Variants in CREB5 observed in about 807,000 individuals in gnomAD.
The protein encoded by CREB5 is cAMP responsive element binding protein 5.
In CREB5, 19 loss-of-function variants were observed where a neutral mutation model predicts 57.1. The ratio of observed to expected loss-of-function variants is 0.33; its 90% confidence interval spans 0.23 to 0.49. CREB5 has a LOEUF of 0.49. CREB5 is among the 20% of genes least tolerant of loss of function. The probability of loss-of-function intolerance (pLI) is 0.99; values close to 1 mark genes in which losing one functional copy is unlikely to be tolerated. For missense variants in CREB5, 579 were observed against 671.6 expected (o/e 0.86, Z 1.52); for synonymous variants, 238 against 238.3 (o/e 1.00, Z 0.01).
intron 5 of CREB5, among the ~76,000 whole-genome samples, chr7:28,610,976 G>T (rs535253955): frequency 6.6e-6 from 1 of 151,986 alleles, no homozygotes; most frequent in African/African-American, 2.4e-5. Flanking sequence ...AGGTAGGGGG[G>T]TGTGTGTGTG....
chr7:28,719,377 C>T (rs575022091), intron 6 of CREB5, among the ~76,000 whole-genome samples: 5 of 152,320 alleles, frequency 3.3e-5, no homozygotes, highest in East Asian at 3.9e-4. Flanking sequence ...GTATGCTAGT[C>T]GCATTCCAAG....
At chr7:28,476,808 A>G (rs1791087182) in intron 1 of CREB5, among the ~76,000 whole-genome samples, 1 of 152,244 alleles carries the variant, frequency 6.6e-6, no homozygotes, top group Admixed American at 6.5e-5. Flanking sequence ...AGAAATATTT[A>G]GCTGTGAAAG....
intron 1 of CREB5, among the ~76,000 whole-genome samples, chr7:28,480,247 G>A (rs1791266323): frequency 6.6e-6 from 1 of 152,202 alleles, no homozygotes; most frequent in South Asian, 2.1e-4. Context: ...AAATTTTACT[G>A]TAGTAGGGCA....
chr7:28,425,600 T>A (rs1562708018), intron 1 of CREB5, among the ~76,000 whole-genome samples: 1 of 152,170 alleles, frequency 6.6e-6, no homozygotes, highest in Non-Finnish European at 1.5e-5. Context: ...GTGAATTAGG[T>A]CTCAATAAAG....
chr7:28,725,659 AAAAG>A lies in CREB5; in HGVS notation c.702+1347_702+1350del, dbSNP rs566073621. Among the ~76,000 whole-genome samples, 282 of 148,362 alleles carry A rather than the reference AAAAG, an allele frequency of 1.9e-3. 2 individuals carry two copies. Among genetic ancestry groups the A allele is most frequent in the African/African-American group, 5.5e-3 (227 of 41,026 alleles). On this transcript the variant is annotated intron_variant, in intron 7 of 10. Transcript: ENST00000357727. ...ATATCTTTTTTTAAAAAAAAAAAAA[AAAAG>A]AAAGAAAGAAAGAAAGAAAAGAAAG... is the stretch of plus-strand genomic sequence containing the variant.
intron 5 of CREB5, among the ~76,000 whole-genome samples, chr7:28,709,241 A>C (rs76590726): frequency 0.06 from 9,205 of 152,274 alleles, 381 homozygotes; most frequent in Non-Finnish European, 0.092. Context: ...GGTAAAGCCA[A>C]CTGTTCAGGC....
intron 5 of CREB5, among the ~76,000 whole-genome samples, chr7:28,588,445 G>T (rs756163096): frequency 1.3e-4 from 20 of 152,130 alleles, no homozygotes; most frequent in Non-Finnish European, 2.6e-4. Context: ...AACTATATTG[G>T]TGTAAGTATG....
At chr7:28,502,939 G>A (rs920562648) in intron 3 of CREB5, among the ~76,000 whole-genome samples, 2 of 152,174 alleles carry the variant, frequency 1.3e-5, no homozygotes, top group African/African-American at 4.8e-5. Context: ...TAAATGTAGA[G>A]CAGACTAAAT....
At chr7:28,746,505 A>G (rs1804688192) in intron 7 of CREB5, among the ~76,000 whole-genome samples, 1 of 152,222 alleles carries the variant, frequency 6.6e-6, no homozygotes, top group African/African-American at 2.4e-5. Flanking sequence ...TAAGATTCTC[A>G]GGTAGCTCGC....
chr7:28,326,064 C>G (rs950071615), intron 1 of CREB5, among the ~76,000 whole-genome samples: 3 of 152,090 alleles, frequency 2.0e-5, no homozygotes, highest in Non-Finnish European at 4.4e-5. Flanking sequence ...CATTTAGTAA[C>G]CAAGATATGG....
At chr7:28,722,777 A>G (rs1404930304) in intron 6 of CREB5, among the ~76,000 whole-genome samples, 2 of 152,192 alleles carry the variant, frequency 1.3e-5, no homozygotes, top group Non-Finnish European at 2.9e-5. Context: ...CTGCCAGATG[A>G]CTGATCAGCT....
intron 1 of CREB5, among the ~76,000 whole-genome samples, chr7:28,479,243 G>GGAGA (rs908586365): frequency 1.3e-5 from 2 of 151,492 alleles, no homozygotes; most frequent in African/African-American, 4.9e-5. Flanking sequence ...TATCAGATCA[G>GGAGA]GAGACTCCAG....
At chr7:28,635,595 T>A (rs1798386784) in intron 5 of CREB5, among the ~76,000 whole-genome samples, 1 of 152,234 alleles carries the variant, frequency 6.6e-6, no homozygotes, top group Admixed American at 6.5e-5. Context: ...TCATTTTGAA[T>A]CCATAAACTC....
chr7:28,656,937 T>C (rs1346965133), intron 5 of CREB5, among the ~76,000 whole-genome samples: 6 of 152,166 alleles, frequency 3.9e-5, no homozygotes, highest in Non-Finnish European at 8.8e-5. Context: ...TTTAGAAATA[T>C]GTCAGGACAG....
chr7:28,784,494 AT>A (rs66535657), intron 7 of CREB5, among the ~76,000 whole-genome samples: 26,214 of 151,266 alleles, frequency 0.17, 2,494 homozygotes, highest in African/African-American at 0.24. Flanking sequence ...TAGCTATAGG[AT>A]TTTTTTTTCC....
chr7:28,680,943 A>G (rs116405965), intron 5 of CREB5, among the ~76,000 whole-genome samples: 1,860 of 152,240 alleles, frequency 0.012, 33 homozygotes, highest in African/African-American at 0.041. Context: ...CTGTGCAAGA[A>G]GTCCCAACAG....
intron 5 of CREB5, among the ~76,000 whole-genome samples, chr7:28,591,865 G>C (rs982575709): frequency 1.3e-5 from 2 of 152,118 alleles, no homozygotes; most frequent in African/African-American, 2.4e-5. Context: ...GGACTCATAG[G>C]CTCTCTGTGT....
Position 28,518,141 on chromosome 7 carries a change from G to A in CREB5, c.291+10404G>A, listed in dbSNP as rs185429328. Among the ~76,000 whole-genome samples the A allele has an allele frequency of 9.5e-4, 144 of 152,220 alleles. 1 individual carries two copies. Among genetic ancestry groups the A allele is most frequent in the Admixed American group, 8.4e-3 (129 of 15,284 alleles). On this transcript the variant is annotated intron_variant, in intron 4 of 10. Coordinates refer to ENST00000357727, the MANE Select transcript of CREB5 (RefSeq NM_182898.4). ...TGGATTTAGTGTGGCTGCAGCCAGCGGAGCCCTTGAGATCTGAGGTATGTG... is the reference window on the plus strand; with the variant it reads ...TGGATTTAGTGTGGCTGCAGCCAGCAGAGCCCTTGAGATCTGAGGTATGTG...
At chr7:28,400,106 CAATAAAGCTAAATA>C (rs1787426883) in intron 1 of CREB5, among the ~76,000 whole-genome samples, 1 of 151,962 alleles carries the variant, frequency 6.6e-6, no homozygotes, top group African/African-American at 2.4e-5. Context: ...GTAGCTTGCT[CAATAAAGCTAAATA>C]ATGTTAAGCA....
Sources: gnomAD v4.1 joint callset for allele counts (sites outside exome capture counted in the v4.1 genomes callset) on GRCh38, gnomAD v4.1.1 for gene constraint, MANE v1.5 for transcripts, NCBI Gene and HGNC (gene_info 2026-07-23, HGNC 2026-07-21) for gene names.